Variants in RGS6 observed in about 807,000 individuals in gnomAD.
The protein encoded by RGS6 is regulator of G protein signaling 6, also known as regulator of G-protein signaling 6.
In RGS6, 30 loss-of-function variants were observed where a neutral mutation model predicts 78.5. The observed-to-expected ratio is 0.38, with a 90% CI of 0.29 to 0.52. The LOEUF is 0.52. Ranked by LOEUF, RGS6 falls within the 20% of genes least tolerant of loss-of-function variation. The probability of loss-of-function intolerance (pLI) is 0.85; values close to 1 mark genes in which losing one functional copy is unlikely to be tolerated. For missense variants in RGS6, 495 were observed against 609.7 expected (o/e 0.81, Z 1.98); for synonymous variants, 206 against 206.0 (o/e 1.00, Z 0.00).
At chr14:71,992,764 T>A (rs945202682) in intron 2 of RGS6, among the ~76,000 whole-genome samples, 1 of 152,262 alleles carries the variant, frequency 6.6e-6, no homozygotes, top group African/African-American at 2.4e-5. Flanking sequence ...GGCCAACTTA[T>A]ATTTCTTGAG....
In RGS6 at chr14:71,943,258, C is replaced by T. The variant is rs79990751; in HGVS notation, c.-21+10317C>T. On this transcript the variant is annotated intron_variant, in intron 1 of 17. Coordinates refer to ENST00000553525, the MANE Select transcript of RGS6 (RefSeq NM_001204424.2). ...TTGTGTTTCTGAACCTTAGTTTTCT[C>T]GTCTGTGAAAGAATAATTTAAAAAA... 7.2e-3 allele frequency among the ~76,000 whole-genome samples: 1,097 copies of T among 152,146 alleles called. 15 individuals carry two copies. Among genetic ancestry groups the T allele is most frequent in the Admixed American group, 0.039 (591 of 15,272 alleles).
chr14:72,146,197 A>G (rs1187665376), intron 2 of RGS6, among the ~76,000 whole-genome samples: 1 of 152,060 alleles, frequency 6.6e-6, no homozygotes, highest in Non-Finnish European at 1.5e-5. Flanking sequence ...CTACTCTCAC[A>G]ATAATGACAT....
At chr14:72,628,438 T>C in the RGS6 span, among the ~76,000 whole-genome samples, 4 of 152,130 alleles carry the variant, frequency 2.6e-5, no homozygotes, top group African/African-American at 9.7e-5. Flanking sequence ...ATTGGGCAAG[T>C]TTATCTTCCT....
chr14:72,176,939 T>C (rs2097112467), intron 2 of RGS6, among the ~76,000 whole-genome samples: 1 of 152,198 alleles, frequency 6.6e-6, no homozygotes, highest in South Asian at 2.1e-4. Context: ...CTGACTTCCA[T>C]CAATTAATCA....
intron 2 of RGS6, among the ~76,000 whole-genome samples, chr14:72,209,406 ATTTC>A (rs1440516359): frequency 1.1e-4 from 16 of 150,004 alleles, no homozygotes; most frequent in African/African-American, 4.9e-5. Flanking sequence ...TTTTCTTTCT[ATTTC>A]TTCTACTTCT....
At chr14:72,199,411 C>A (rs140286293) in intron 2 of RGS6, among the ~76,000 whole-genome samples, 323 of 152,294 alleles carry the variant, frequency 2.1e-3, no homozygotes, top group African/African-American at 7.2e-3. Flanking sequence ...ATTGATGCAA[C>A]ATTGCAATGA....
chr14:72,143,120 C>T (rs1052167057), intron 2 of RGS6, among the ~76,000 whole-genome samples: 16 of 152,136 alleles, frequency 1.1e-4, no homozygotes, highest in African/African-American at 3.9e-4. Flanking sequence ...ATAATCCCAG[C>T]GCTTTGGGAG....
intron 3 of RGS6, among the ~76,000 whole-genome samples, chr14:72,355,297 G>C (rs769480506): frequency 3.3e-4 from 50 of 151,432 alleles, no homozygotes; most frequent in Non-Finnish European, 6.0e-4. Context: ...GGGTTCAAGC[G>C]ATTCTCCTGT....
chr14:72,124,094 T>C (rs1409004536), intron 2 of RGS6, among the ~76,000 whole-genome samples: 2 of 152,228 alleles, frequency 1.3e-5, no homozygotes, highest in African/African-American at 4.8e-5. Flanking sequence ...AGGTGACAGA[T>C]GCTTTGTGTC....
chr14:72,237,624 A>G (rs1219398168), intron 2 of RGS6, among the ~76,000 whole-genome samples: 1 of 151,908 alleles, frequency 6.6e-6, no homozygotes, highest in African/African-American at 2.4e-5. Flanking sequence ...CTAGTCCTGT[A>G]CTCTCTGACT....
At position 72,563,101 on chromosome 14, in the gene RGS6, T is replaced by A; in HGVS notation, c.*634T>A. On this transcript the variant is annotated 3_prime_UTR_variant, in exon 18 of 18. Transcript: ENST00000553525. ...CGCCTCAAGGTCTTTCCACCCTCTT[T>A]GAGATCAGCGTTCGGAGAGGTCCCC... The A allele has an allele frequency of 2.8e-6, 1 of 355,394 alleles. No individual in the cohort carries two copies. The highest frequency in any genetic ancestry group is 6.1e-5 in the East Asian group (1 of 16,340). 22.0% of individuals were successfully genotyped at this position (355,394 alleles called of 1,614,324 possible). A position where few individuals can be genotyped will look rare whatever the true frequency, so the allele number is the denominator to read the frequency against.
chr14:72,504,705 C>T (rs1287616534), intron 13 of RGS6, among the ~76,000 whole-genome samples: 1 of 150,532 alleles, frequency 6.6e-6, no homozygotes, highest in Non-Finnish European at 1.5e-5. Context: ...GTTTAGGTTC[C>T]TCTCCCCTCC....
chr14:72,377,005 T>C (rs2084916081), intron 3 of RGS6, among the ~76,000 whole-genome samples: 1 of 152,060 alleles, frequency 6.6e-6, no homozygotes, highest in South Asian at 2.1e-4. Context: ...GAACAAAGGA[T>C]ATACAAAACA....
At chr14:72,141,899 A>G (rs2096544772) in intron 2 of RGS6, among the ~76,000 whole-genome samples, 1 of 151,824 alleles carries the variant, frequency 6.6e-6, no homozygotes, top group Non-Finnish European at 1.5e-5. Context: ...CATTAAAAAA[A>G]AAAAAACAAA....
intron 3 of RGS6, among the ~76,000 whole-genome samples, chr14:72,354,714 C>T (rs2079888545): frequency 1.3e-5 from 2 of 152,022 alleles, no homozygotes; most frequent in African/African-American, 4.8e-5. Context: ...TTCATAAACT[C>T]CCCCAAAGGA....
intron 3 of RGS6, among the ~76,000 whole-genome samples, chr14:72,369,218 A>G (rs181755999): frequency 1.3e-3 from 205 of 152,334 alleles, no homozygotes; most frequent in Non-Finnish European, 2.2e-3. Context: ...ATCCTTACAA[A>G]TGAGAGTCTG....
chr14:72,045,912 C>A (rs1013708688), intron 2 of RGS6, among the ~76,000 whole-genome samples: 1 of 152,054 alleles, frequency 6.6e-6, no homozygotes, highest in Non-Finnish European at 1.5e-5. Flanking sequence ...CCCACGCCCC[C>A]GCACCCCGCC....
rs1236983404 is a variant in RGS6 at position 72,061,630 on chromosome 14, A to G, written c.84+96755A>G. Reference sequence around the variant, plus strand: ...ATTGATCAAAACACCTATGCAAGGAATTAAACTTGCTACAAATAAGCCACT... The same window carrying G: ...ATTGATCAAAACACCTATGCAAGGAGTTAAACTTGCTACAAATAAGCCACT... On this transcript the variant is annotated intron_variant, in intron 2 of 17. Transcript: ENST00000553525. 5.3e-5 allele frequency among the ~76,000 whole-genome samples: 8 copies of G among 152,290 alleles called. No homozygotes were observed. In the East Asian group the frequency reaches 1.5e-3, roughly 29 times the overall value.
intron 2 of RGS6, among the ~76,000 whole-genome samples, chr14:72,036,982 G>A (rs918373864): frequency 2.2e-4 from 34 of 152,168 alleles, no homozygotes; most frequent in African/African-American, 8.0e-4. Context: ...TCTGGGTCAG[G>A]TGGGGACTTG....
Sources: gnomAD v4.1 joint callset for allele counts (sites outside exome capture counted in the v4.1 genomes callset) on GRCh38, gnomAD v4.1.1 for gene constraint, MANE v1.5 for transcripts, NCBI Gene and HGNC (gene_info 2026-07-23, HGNC 2026-07-21) for gene names.